Variants in PCDH15 observed in about 807,000 individuals in gnomAD.
PCDH15 encodes protocadherin-15.
In PCDH15, 129 loss-of-function variants were observed where a neutral mutation model predicts 178.5. That is an observed-to-expected ratio of 0.72 (90% CI 0.63 to 0.84). PCDH15 has a LOEUF of 0.84. Among genes scored for constraint, PCDH15 ranks in the 40% least tolerant of loss-of-function variants. The pLI is 0.00. For missense variants in PCDH15, 2,230 were observed against 2,099.9 expected, an observed-to-expected ratio of 1.06 and a Z score of -1.21; for synonymous variants, 800 against 732.0, an observed-to-expected ratio of 1.09 and a Z score of -1.50.
intron 15 of PCDH15, among the ~76,000 whole-genome samples, chr10:54,112,668 T>C (rs956496225): frequency 6.6e-6 from 1 of 152,170 alleles, no homozygotes; most frequent in African/African-American, 2.4e-5. Context: ...ATAAATACTA[T>C]TTAATTTCTA....
chr10:54,025,390 G>A (rs2093051296), intron 18 of PCDH15, among the ~76,000 whole-genome samples: 1 of 152,038 alleles, frequency 6.6e-6, no homozygotes, highest in Admixed American at 6.6e-5. Flanking sequence ...GAATTCAGTT[G>A]CTAGAGTTTG....
intron 2 of PCDH15, among the ~76,000 whole-genome samples, chr10:55,387,192 G>T: frequency 6.6e-6 from 1 of 151,954 alleles, no homozygotes; most frequent in Non-Finnish European, 1.5e-5. Flanking sequence ...CCAAGACCTG[G>T]ATATTTTCAT....
Position 54,332,285 on chromosome 10 carries a change from T to A in PCDH15, c.595-2579A>T, listed in dbSNP as rs868331255. On this transcript the variant is annotated intron_variant, in intron 6 of 37. Transcript: ENST00000644397. ...ATATATTATTATATATAATATAATA[T>A]AATCTATATTACATATTATTATATA... 5.7e-5 allele frequency among the ~76,000 whole-genome samples: 5 copies of A among 87,826 alleles called. 1 individual carries two copies. The highest frequency in any genetic ancestry group is 4.7e-5 in the Non-Finnish European group (2 of 42,414). 57.6% of individuals were successfully genotyped at this position (87,826 alleles called of 152,430 possible).
intron 2 of PCDH15, among the ~76,000 whole-genome samples, chr10:55,427,583 A>C (rs1838786676): frequency 6.6e-6 from 1 of 152,176 alleles, no homozygotes; most frequent in East Asian, 1.9e-4. Context: ...AGAAAAGGGA[A>C]ATATTTTTGT....
intron 2 of PCDH15, among the ~76,000 whole-genome samples, chr10:55,098,584 C>G (rs1842497568): frequency 6.6e-6 from 1 of 152,022 alleles, no homozygotes; most frequent in Non-Finnish European, 1.5e-5. Context: ...CTCTATTTGC[C>G]AAGCCACGCT....
intron 2 of PCDH15, among the ~76,000 whole-genome samples, chr10:54,662,245 A>C (rs1466898236): frequency 6.6e-6 from 1 of 151,920 alleles, no homozygotes; most frequent in African/African-American, 2.4e-5. Flanking sequence ...GAAAGAATGT[A>C]AACAGACACT....
intron 1 of PCDH15, among the ~76,000 whole-genome samples, chr10:54,748,027 G>A (rs1337255352): frequency 6.6e-6 from 1 of 151,848 alleles, no homozygotes; most frequent in South Asian, 2.1e-4. Flanking sequence ...GGTTGGTCTC[G>A]ATCTCCTGAC....
intron 21 of PCDH15, 144 bp from the exon 22 acceptor site, chr10:53,962,036 G>C: frequency 1.5e-6 from 1 of 680,268 alleles, no homozygotes; most frequent in African/African-American, 1.8e-5. Flanking sequence ...GAGCTGAAAT[G>C]TAGCCAGATC....
chr10:55,422,440 C>T (rs1838645134), intron 2 of PCDH15, among the ~76,000 whole-genome samples: 1 of 151,792 alleles, frequency 6.6e-6, no homozygotes, highest in African/African-American at 2.4e-5. Context: ...CATGGTTTTA[C>T]CTATATGGTA....
At chr10:54,951,677 C>T (rs946586913) in intron 2 of PCDH15, among the ~76,000 whole-genome samples, 2 of 151,760 alleles carry the variant, frequency 1.3e-5, no homozygotes, top group African/African-American at 4.8e-5. Flanking sequence ...GCATTCTCAT[C>T]GGGAAAGAAT....
In PCDH15 at chr10:54,332,296, A is replaced by ATATTATATATAATATAATATAAT; in HGVS notation, c.595-2591_595-2590insATTATATTATATTATATATAATA. Reference sequence around the variant, plus strand: ...TATATAATATAATATAATCTATATTACATATTATTATATATAATATAATAT... The same window carrying ATATTATATATAATATAATATAAT: ...TATATAATATAATATAATCTATATTATATTATATATAATATAATATAATCATATTATTATATATAATATAATAT... On this transcript the variant is annotated intron_variant, in intron 6 of 37. Transcript: ENST00000644397. Among the ~76,000 whole-genome samples the ATATTATATATAATATAATATAAT allele has an allele frequency of 2.8e-4, 22 of 79,328 alleles. 2 individuals are homozygous for ATATTATATATAATATAATATAAT. The highest frequency in any genetic ancestry group is 3.4e-4 in the Non-Finnish European group (13 of 38,080). 52.0% of individuals were successfully genotyped at this position (79,328 alleles called of 152,430 possible). A position where few individuals can be genotyped will look rare whatever the true frequency, so the allele number is the denominator to read the frequency against.
At chr10:55,566,629 T>A (rs960204304) in intron 2 of PCDH15, among the ~76,000 whole-genome samples, 2 of 151,676 alleles carry the variant, frequency 1.3e-5, no homozygotes, top group Admixed American at 6.6e-5. Flanking sequence ...CAAGTGCATA[T>A]CTATACAATA....
chr10:54,154,753 A>T (rs1034014258), intron 13 of PCDH15, among the ~76,000 whole-genome samples: 1 of 152,212 alleles, frequency 6.6e-6, no homozygotes, highest in African/African-American at 2.4e-5. Flanking sequence ...AGGAAATGAC[A>T]TTAATGCAAC....
intron 14 of PCDH15, among the ~76,000 whole-genome samples, chr10:54,148,817 C>T (rs188548888): frequency 6.6e-6 from 1 of 151,988 alleles, no homozygotes; most frequent in East Asian, 1.9e-4. Context: ...TTCCTGTAGA[C>T]TCTTGTGCCT....
chr10:55,440,500 T>C (rs1308760279), intron 2 of PCDH15, among the ~76,000 whole-genome samples: 1 of 152,174 alleles, frequency 6.6e-6, no homozygotes, highest in Non-Finnish European at 1.5e-5. Flanking sequence ...AGCAAAATGG[T>C]ATGTTTTAAT....
At chr10:54,155,498 C>G (rs2045016610) in intron 13 of PCDH15, among the ~76,000 whole-genome samples, 1 of 151,994 alleles carries the variant, frequency 6.6e-6, no homozygotes, top group Admixed American at 6.6e-5. Flanking sequence ...CAGTCTTTTA[C>G]TACTAAATAA....
At chr10:55,484,403 A>G (rs1840254266) in intron 2 of PCDH15, among the ~76,000 whole-genome samples, 1 of 151,830 alleles carries the variant, frequency 6.6e-6, no homozygotes, top group Admixed American at 6.6e-5. Context: ...AATACAAACA[A>G]ATGGAAAGTC....
chr10:54,479,263 C>T (rs1485142543), intron 3 of PCDH15, among the ~76,000 whole-genome samples: 9 of 151,780 alleles, frequency 5.9e-5, no homozygotes, highest in African/African-American at 2.2e-4. Flanking sequence ...AAATTCTTCC[C>T]TAAAGCTATT....
chr10:54,612,809 T>C (rs1306755019), intron 2 of PCDH15, among the ~76,000 whole-genome samples: 1 of 151,832 alleles, frequency 6.6e-6, no homozygotes. Context: ...GAATAGACTT[T>C]GTAAGTTCCA....
Sources: allele counts gnomAD v4.1 joint callset (sites outside exome capture counted in the v4.1 genomes callset), GRCh38; gene constraint gnomAD v4.1.1; transcripts MANE v1.5; gene names NCBI Gene and HGNC (gene_info 2026-07-23, HGNC 2026-07-21).